The following BRINP3 variants were observed in gnomAD, a reference collection of about 807,000 sequenced individuals.
The protein encoded by BRINP3 is BMP/retinoic acid-inducible neural-specific protein 3.
BRINP3 carries 19 observed loss-of-function variants against 71.0 expected under a neutral mutation model. That is an observed-to-expected ratio of 0.27 (90% CI 0.19 to 0.39). The LOEUF (loss-of-function observed/expected upper bound fraction) is 0.39. BRINP3 is among the 10% of genes least tolerant of loss of function. BRINP3 has a pLI of 1.00. For synonymous variants in BRINP3, 380 were observed against 337.7 expected, an observed-to-expected ratio of 1.13 and a Z score of -1.37; for missense variants, 959 against 940.8, an observed-to-expected ratio of 1.02 and a Z score of -0.25.
intron 2 of BRINP3, among the ~76,000 whole-genome samples, chr1:190,404,529 C>T (rs6695984): frequency 0.17 from 26,347 of 151,966 alleles, 2,397 homozygotes; most frequent in East Asian, 0.22. Flanking sequence ...TTCACAGCAA[C>T]GAAGACAGAA....
chr1:190,470,293 A>G (rs1017854450), intron 1 of BRINP3, among the ~76,000 whole-genome samples: 1 of 151,178 alleles, frequency 6.6e-6, no homozygotes. Context: ...ATAATGGAAT[A>G]TAAATGAAAC....
chr1:190,452,975 C>T (rs1362244786), intron 2 of BRINP3, among the ~76,000 whole-genome samples: 4 of 151,982 alleles, frequency 2.6e-5, no homozygotes, highest in African/African-American at 7.3e-5. Context: ...ATAGAGATGC[C>T]GATAAATCAC....
At chr1:190,167,632 C>T (rs1425318468) in intron 6 of BRINP3, among the ~76,000 whole-genome samples, 2 of 152,092 alleles carry the variant, frequency 1.3e-5, no homozygotes, top group Non-Finnish European at 2.9e-5. Flanking sequence ...AATTTAAATT[C>T]CTTTCAGATC....
chr1:190,238,727 G>A (rs1658768705), intron 4 of BRINP3, among the ~76,000 whole-genome samples: 1 of 152,086 alleles, frequency 6.6e-6, no homozygotes, highest in African/African-American at 2.4e-5. Flanking sequence ...TTCTTTGAAA[G>A]TATCTACATA....
At chr1:190,101,140 T>TTA (rs1651666304) in intron 7 of BRINP3, among the ~76,000 whole-genome samples, 1 of 152,136 alleles carries the variant, frequency 6.6e-6, no homozygotes, top group Admixed American at 6.6e-5. Context: ...TTTCTGTTCA[T>TTA]TATAATTACC....
Position 190,137,090 on chromosome 1 carries a change from A to T in BRINP3, c.1184+23578T>A, listed in dbSNP as rs895823753. Among the ~76,000 whole-genome samples, 48 of 152,246 alleles carry T rather than the reference A, an allele frequency of 3.2e-4. 1 individual carries two copies. Among genetic ancestry groups the T allele is most frequent in the Admixed American group, 3.1e-3 (47 of 15,278 alleles). ...AGCTATGTGTCTTGCTCATTAAGAG[A>T]CAATAAATAATGAAAGAACCATGAT... On this transcript the variant is annotated intron_variant, in intron 7 of 7. Transcript: ENST00000367462.
At chr1:190,443,184 C>A (rs1424983658) in intron 2 of BRINP3, among the ~76,000 whole-genome samples, 3 of 151,920 alleles carry the variant, frequency 2.0e-5, no homozygotes, top group Non-Finnish European at 4.4e-5. Context: ...TGGGCGTGAG[C>A]CACTGCGCCT....
Position 190,098,040 on chromosome 1 carries a change from T to A in BRINP3, c.2279A>T (p.Asp760Val), listed in dbSNP as rs766484744. ...TGGTTAACTACATAATTTGGTCGTG[T>A]CATAATCCATTGTGTTTGGCAATTT... ...NAKLPNTMDY[D>V]TTKLCS The change falls in exon 8 of 8, where the codon GAC becomes GTC. Residue 760 changes from aspartate (D) to valine (V), a missense_variant. Asp to Val is a radical substitution (Grantham distance 152). Coordinates refer to ENST00000367462, the MANE Select transcript of BRINP3 (RefSeq NM_199051.3). The A allele has an allele frequency of 1.2e-6, 2 of 1,612,150 alleles. No individual in the cohort carries two copies. Among genetic ancestry groups the A allele is most frequent in the South Asian group, 2.2e-5 (2 of 90,812 alleles).
intron 2 of BRINP3, among the ~76,000 whole-genome samples, chr1:190,301,204 C>CATACATAT (rs1664687973): frequency 3.8e-5 from 4 of 106,342 alleles, no homozygotes; most frequent in African/African-American, 1.5e-4. Flanking sequence ...TATACACATA[C>CATACATAT]ATATATATAT....
chr1:190,109,948 T>C (rs2102277023), intron 7 of BRINP3, among the ~76,000 whole-genome samples: 1 of 152,338 alleles, frequency 6.6e-6, no homozygotes. Context: ...GGTGATCAAC[T>C]GTGGGACTTT....
intron 2 of BRINP3, among the ~76,000 whole-genome samples, chr1:190,304,007 A>G (rs1032756824): frequency 6.6e-6 from 1 of 151,798 alleles, no homozygotes; most frequent in Non-Finnish European, 1.5e-5. Context: ...AAGAAAAAAC[A>G]CTATACATCA....
At chr1:190,238,692 T>A (rs114096661) in intron 4 of BRINP3, among the ~76,000 whole-genome samples, 64,472 of 151,640 alleles carry the variant, frequency 0.43, 14,071 homozygotes, top group Admixed American at 0.49. Flanking sequence ...GCTGGGAGTT[T>A]AACTCGTACA....
chr1:190,140,453 A>T (rs2102386224), intron 7 of BRINP3, among the ~76,000 whole-genome samples: 1 of 152,262 alleles, frequency 6.6e-6, no homozygotes, highest in Admixed American at 6.5e-5. Context: ...TTACTTAACC[A>T]CACTGTATGA....
At chr1:190,365,894 T>C (rs1454752760) in intron 2 of BRINP3, among the ~76,000 whole-genome samples, 1 of 148,490 alleles carries the variant, frequency 6.7e-6, no homozygotes, top group Non-Finnish European at 1.5e-5. Flanking sequence ...AGAAAAAATA[T>C]CTTTAAGAAA....
chr1:190,361,721 A>G (rs1015121169), intron 2 of BRINP3, among the ~76,000 whole-genome samples: 6 of 152,070 alleles, frequency 3.9e-5, no homozygotes, highest in African/African-American at 1.4e-4. Context: ...TTTTTATAAT[A>G]ATAATATTCT....
At position 190,264,862 on chromosome 1, in the gene BRINP3, T is replaced by G; in HGVS notation, c.618+3A>C. 6.2e-7 allele frequency: 1 copy of G among 1,611,684 alleles called. No individual in the cohort carries two copies. The highest frequency in any genetic ancestry group is 1.7e-4 in the Middle Eastern group (1 of 6,052). ...GATAATTTTAGCGTAAACTCATTCT[T>G]ACCTTTATGGCAGTGGATGCAATTT... On this transcript the variant is annotated splice_donor_region_variant and intron_variant, in intron 4 of 7. Transcript: ENST00000367462.
intron 7 of BRINP3, among the ~76,000 whole-genome samples, chr1:190,110,532 T>C (rs1652572842): frequency 6.6e-6 from 1 of 152,200 alleles, no homozygotes. Context: ...CATCATGATA[T>C]TTTATAGTTT....
At chr1:190,471,257 G>A (rs1057022049) in intron 1 of BRINP3, among the ~76,000 whole-genome samples, 1 of 150,978 alleles carries the variant, frequency 6.6e-6, no homozygotes, top group African/African-American at 2.4e-5. Flanking sequence ...TCAGTAGAAA[G>A]GTCATTAGTG....
chr1:190,302,862 T>C (rs948334390), intron 2 of BRINP3: 3 of 151,908 alleles, frequency 2.0e-5, no homozygotes, highest in African/African-American at 7.2e-5. Flanking sequence ...ATTTAGCTTC[T>C]GTCTAGTGAA....
Sources: gnomAD v4.1 joint callset for allele counts (sites outside exome capture counted in the v4.1 genomes callset) on GRCh38, gnomAD v4.1.1 for gene constraint, MANE v1.5 for transcripts, NCBI Gene and HGNC (gene_info 2026-07-23, HGNC 2026-07-21) for gene names.